UBE2V1: variants seen among roughly 807,000 people sequenced by gnomAD.
The protein encoded by UBE2V1 is ubiquitin conjugating enzyme E2 V1.
In UBE2V1, 15 loss-of-function variants were observed where a neutral mutation model predicts 19.6. The ratio of observed to expected loss-of-function variants is 0.77; its 90% CI spans 0.51 to 1.18. The LOEUF (loss-of-function observed/expected upper bound fraction) is 1.18, where lower values mean the gene tolerates loss of function less well. Ranked by LOEUF, UBE2V1 falls within the 50% of genes most tolerant of loss-of-function variation. The probability of loss-of-function intolerance (pLI) is 0.00; values close to 1 mark genes in which losing one functional copy is unlikely to be tolerated. For synonymous variants in UBE2V1, 60 were observed against 60.7 expected, an observed-to-expected ratio of 0.99 and a Z score of 0.05; for missense variants, 125 against 184.8, an observed-to-expected ratio of 0.68 and a Z score of 1.88.
chr20:50,086,384 G>A (rs1304343366), intron 2 of UBE2V1, among the ~76,000 whole-genome samples: 1 of 151,952 alleles, frequency 6.6e-6, no homozygotes, highest in Non-Finnish European at 1.5e-5. Context: ...GTACTCAAAT[G>A]TTTGTTGAAT....
chr20:50,089,154 A>G (rs1247553489), intron 2 of UBE2V1, among the ~76,000 whole-genome samples: 1 of 152,130 alleles, frequency 6.6e-6, no homozygotes, highest in Non-Finnish European at 1.5e-5. Flanking sequence ...CACAGATGTA[A>G]TAACGAAATG....
chr20:50,115,335 C>T, upstream of UBE2V1: 1 of 1,317,918 alleles, frequency 7.6e-7, no homozygotes, highest in Non-Finnish European at 9.9e-7. Flanking sequence ...AAAGTGCCAG[C>T]ACTGGCTACA....
intron 1 of UBE2V1, among the ~76,000 whole-genome samples, chr20:50,098,615 T>C (rs545798790): frequency 6.6e-6 from 1 of 152,310 alleles, no homozygotes; most frequent in African/African-American, 2.4e-5. Context: ...CCCAGGTTTT[T>C]GGTCCAAGCA....
chr20:50,101,571 C>CAAAGAAAA (rs2079998540), intron 1 of UBE2V1, among the ~76,000 whole-genome samples: 1 of 71,192 alleles, frequency 1.4e-5, no homozygotes, highest in African/African-American at 4.9e-5. Context: ...CATTTATAAG[C>CAAAGAAAA]AAAAAAAAAA....
At chr20:50,089,795 A>T (rs985201350) in intron 2 of UBE2V1, among the ~76,000 whole-genome samples, 1 of 152,222 alleles carries the variant, frequency 6.6e-6, no homozygotes, top group Non-Finnish European at 1.5e-5. Context: ...TGGCACTCAA[A>T]TATTCTTAAG....
At chr20:50,100,879 A>T (rs1001751518) in intron 1 of UBE2V1, among the ~76,000 whole-genome samples, 2 of 152,260 alleles carry the variant, frequency 1.3e-5, no homozygotes, top group Non-Finnish European at 2.9e-5. Context: ...CTAACATTCA[A>T]ATATCACAAG....
chr20:50,106,548 T>A (rs933807688), intron 1 of UBE2V1, among the ~76,000 whole-genome samples: 43 of 152,262 alleles, frequency 2.8e-4, no homozygotes, highest in Middle Eastern at 3.4e-3. Context: ...ATGGTAGAGC[T>A]GGCTGGGCGT....
upstream of UBE2V1, among the ~76,000 whole-genome samples, chr20:50,114,708 G>A (rs767062017): frequency 6.6e-6 from 1 of 152,116 alleles, no homozygotes; most frequent in African/African-American, 2.4e-5. Flanking sequence ...CAGATTTAAC[G>A]GGGCTTTCAC....
At position 50,112,141 on chromosome 20, in the gene UBE2V1, CCTCA is replaced by C. The variant is rs201045144; in HGVS notation, c.22+962_22+965del. Among the ~76,000 whole-genome samples, 688 of 152,312 alleles carry C rather than the reference CCTCA, an allele frequency of 4.5e-3. 14 individuals are homozygous for C. The highest frequency in any genetic ancestry group is 0.016 in the African/African-American group (650 of 41,554). On this transcript the variant is annotated intron_variant, in intron 1 of 3. Transcript: ENST00000371674. ...AAGAGACACTTCTAGGATATGCTTC[CCTCA>C]CTCAATTCAAAAAGAGGAGACTTTT... is the stretch of plus-strand genomic sequence containing the variant.
chr20:50,113,146 T>C lies in UBE2V1; in HGVS notation c.-18A>G, dbSNP rs1459697327. 1 of 1,341,806 alleles carries C rather than the reference T, an allele frequency of 7.5e-7. No individual in the cohort carries two copies. 83.1% of individuals were successfully genotyped at this position (1,341,806 alleles called of 1,614,324 possible). On this transcript the variant is annotated 5_prime_UTR_variant, in exon 1 of 4. Coordinates refer to ENST00000371674, the MANE Select transcript of UBE2V1 (RefSeq NM_001032288.3). ...GCTGCCATCTTGCGTCGCTCTTGCT[T>C]GAAGGCCGGCCCCTTCTTCACCCCC...
intron 1 of UBE2V1, among the ~76,000 whole-genome samples, chr20:50,098,099 A>G (rs1234826706): frequency 6.6e-6 from 1 of 152,218 alleles, no homozygotes; most frequent in African/African-American, 2.4e-5. Context: ...GGGAGGGGCT[A>G]TACTTTTAAA....
In UBE2V1 at chr20:50,092,236, C is replaced by T. The variant is rs1282365228; in HGVS notation, c.171+4436G>A. 8.5e-5 allele frequency among the ~76,000 whole-genome samples: 13 copies of T among 152,222 alleles called. No individual in the cohort carries two copies. In the East Asian group the frequency reaches 2.1e-3, roughly 25 times the overall value. On this transcript the variant is annotated intron_variant, in intron 2 of 3. Transcript: ENST00000371674. ...ACTAGGGAGGCTGAGGCAGGAGAAT[C>T]GCTTGAACCCGGGAGACAGAGACTG... is the stretch of plus-strand genomic sequence containing the variant.
chr20:50,088,461 TA>T (rs1389110864), intron 2 of UBE2V1, among the ~76,000 whole-genome samples: 2 of 152,134 alleles, frequency 1.3e-5, no homozygotes, highest in African/African-American at 4.8e-5. Flanking sequence ...TATAAGCCTG[TA>T]AGTATTAGAA....
At chr20:50,096,946 T>C in intron 1 of UBE2V1, 126 bp from the exon 2 acceptor site, 1 of 1,456,054 alleles carries the variant, frequency 6.9e-7, no homozygotes, top group South Asian at 1.4e-5. Context: ...CACGGAAAGT[T>C]ATCACACCTC....
At chr20:50,090,696 T>C (rs1020781803) in intron 2 of UBE2V1, among the ~76,000 whole-genome samples, 4 of 152,102 alleles carry the variant, frequency 2.6e-5, no homozygotes, top group African/African-American at 9.7e-5. Flanking sequence ...AAACTTTCAG[T>C]TATGAGTAAG....
At chr20:50,083,293 C>T (rs1268206990) in intron 3 of UBE2V1, among the ~76,000 whole-genome samples, 1 of 152,210 alleles carries the variant, frequency 6.6e-6, no homozygotes, top group Non-Finnish European at 1.5e-5. Context: ...GCAGTACGGA[C>T]AGCCAAGGCA....
chr20:50,114,407 G>A (rs2080946543), upstream of UBE2V1, among the ~76,000 whole-genome samples: 1 of 152,124 alleles, frequency 6.6e-6, no homozygotes, highest in South Asian at 2.1e-4. Flanking sequence ...GACCCCAGCA[G>A]CTTCCATTCT....
Position 50,082,674 on chromosome 20 carries a change from C to G in UBE2V1, c.*94G>C. ...TTCCTTTCCGGTACTTTGAGGTCTA[C>G]AAGACGTATCTAGAAAATTTACTAC... On this transcript the variant is annotated 3_prime_UTR_variant, in exon 4 of 4. Transcript: ENST00000371674. 2.6e-6 allele frequency: 4 copies of G among 1,540,918 alleles called. No homozygotes were observed. Among genetic ancestry groups the G allele is most frequent in the Admixed American group, 2.0e-5 (1 of 50,542 alleles).
At chr20:50,106,847 C>CAAA (rs2080397242) in intron 1 of UBE2V1, among the ~76,000 whole-genome samples, 1 of 110,734 alleles carries the variant, frequency 9.0e-6, no homozygotes, top group African/African-American at 3.7e-5. Context: ...AAACCAAAAA[C>CAAA]AACAACAACA....
Sources: allele counts gnomAD v4.1 joint callset (sites outside exome capture counted in the v4.1 genomes callset), GRCh38; gene constraint gnomAD v4.1.1; transcripts MANE v1.5; gene names NCBI Gene and HGNC (gene_info 2026-07-23, HGNC 2026-07-21).